Variants in WWP1 observed in about 807,000 individuals in gnomAD.
WWP1 encodes the protein NEDD4-like E3 ubiquitin-protein ligase WWP1.
Under a neutral mutation model 130.6 loss-of-function variants are expected in WWP1, and 49 were observed. That is an observed-to-expected ratio of 0.38 (90% CI 0.30 to 0.48). The LOEUF (loss-of-function observed/expected upper bound fraction) is 0.48, where lower values mean the gene tolerates loss of function less well. Among genes scored for constraint, WWP1 ranks in the 20% least tolerant of loss-of-function variants. WWP1 has a pLI of 0.99. For missense variants in WWP1, 809 were observed against 1,100.6 expected, an observed-to-expected ratio of 0.74 and a Z score of 3.75; for synonymous variants, 332 against 367.8, an observed-to-expected ratio of 0.90 and a Z score of 1.11.
chr8:86,373,258 AT>A (rs1391243651), intron 2 of WWP1, among the ~76,000 whole-genome samples: 1 of 151,492 alleles, frequency 6.6e-6, no homozygotes, highest in Non-Finnish European at 1.5e-5. Context: ...ATTTCAGTGT[AT>A]TTTTTTTGTT....
rs937535104 is a variant in WWP1, at chr8:86,357,091, TA to T, written c.-114-11847del. On this transcript the variant is annotated intron_variant, in intron 1 of 24. Coordinates refer to ENST00000517970, the MANE Select transcript of WWP1 (RefSeq NM_007013.4). ...ATCATTCTGAGGTTGGTATAATAAT[TA>T]TGGATGGTTTCTGTGTATTTCATAT... 4.5e-5 allele frequency among the ~76,000 whole-genome samples: 5 copies of T among 111,534 alleles called. No individual in the cohort carries two copies. In the South Asian group the frequency reaches 1.1e-3, roughly 25 times the overall value. 73.2% of individuals were successfully genotyped at this position (111,534 alleles called of 152,430 possible).
intron 9 of WWP1, among the ~76,000 whole-genome samples, chr8:86,414,288 A>T (rs1258446300): frequency 1.3e-5 from 2 of 151,926 alleles, no homozygotes; most frequent in Non-Finnish European, 2.9e-5. Context: ...ATAAATAGCA[A>T]TCTGGTATAC....
At chr8:86,435,349 C>G (rs1354818060) in intron 14 of WWP1, 103 bp from the exon 15 acceptor site, 3 of 1,199,270 alleles carry the variant, frequency 2.5e-6, no homozygotes, top group African/African-American at 3.1e-5. Context: ...CAGAAATCTT[C>G]CTGTGGTATT....
At chr8:86,440,696 C>G in intron 17 of WWP1, 1 of 454,418 alleles carries the variant, frequency 2.2e-6, no homozygotes, top group Non-Finnish European at 4.4e-6. Context: ...TTTTTCTGTT[C>G]CATTTGTTCC....
intron 8 of WWP1, among the ~76,000 whole-genome samples, 165 bp from the exon 9 acceptor site, chr8:86,411,368 CATTTT>C (rs1473247144): frequency 5.3e-5 from 8 of 152,158 alleles, no homozygotes; most frequent in African/African-American, 1.7e-4. Context: ...ATAAAATCTC[CATTTT>C]ATTTTATGTT....
intron 1 of WWP1, among the ~76,000 whole-genome samples, chr8:86,345,299 G>A (rs1330758712): frequency 6.6e-6 from 1 of 152,176 alleles, no homozygotes; most frequent in African/African-American, 2.4e-5. Context: ...TTGGTAAAAT[G>A]CTGGCCTGGA....
At chr8:86,442,589 A>T in intron 17 of WWP1, 30 bp from the exon 18 acceptor site, 1 of 1,558,712 alleles carries the variant, frequency 6.4e-7, no homozygotes. Flanking sequence ...TATTAATGCT[A>T]AAAAATAACC....
intron 14 of WWP1, among the ~76,000 whole-genome samples, chr8:86,433,112 C>T (rs926864390): frequency 6.6e-6 from 1 of 152,074 alleles, no homozygotes; most frequent in Non-Finnish European, 1.5e-5. Flanking sequence ...ACATTTGACA[C>T]AATACATTTC....
At chr8:86,453,150 A>T (rs548472811) in intron 21 of WWP1, among the ~76,000 whole-genome samples, 1 of 152,158 alleles carries the variant, frequency 6.6e-6, no homozygotes, top group Non-Finnish European at 1.5e-5. Context: ...ATCTCCAGAA[A>T]TTTTTCATCC....
At chr8:86,433,683 C>T (rs1048022778) in intron 14 of WWP1, among the ~76,000 whole-genome samples, 4 of 152,194 alleles carry the variant, frequency 2.6e-5, no homozygotes, top group Non-Finnish European at 4.4e-5. Context: ...GTGGCTCACG[C>T]CTATAATCCC....
rs146428704 is a variant in WWP1 at position 86,450,217 on chromosome 8, G to T, written c.2273+1704G>T. On this transcript the variant is annotated intron_variant, in intron 20 of 24. Coordinates refer to ENST00000517970, the MANE Select transcript of WWP1 (RefSeq NM_007013.4). ...TACCCTTCTTAGCTTGGCATTCTTGGCCTCTTCTTATTTTTCTGCTAAACC... is the reference window on the plus strand; with the variant it reads ...TACCCTTCTTAGCTTGGCATTCTTGTCCTCTTCTTATTTTTCTGCTAAACC... Among the ~76,000 whole-genome samples, 576 of 151,992 alleles carry T rather than the reference G, an allele frequency of 3.8e-3. 3 individuals are homozygous for T. The highest frequency in any genetic ancestry group is 0.024 in the Middle Eastern group (7 of 292).
At chr8:86,401,011 G>GTT (rs79904046) in intron 7 of WWP1, among the ~76,000 whole-genome samples, 5 of 137,020 alleles carry the variant, frequency 3.6e-5, no homozygotes, top group Admixed American at 1.5e-4. Flanking sequence ...AACTTTTTTT[G>GTT]TTTTTTTTTT....
intron 5 of WWP1, among the ~76,000 whole-genome samples, chr8:86,387,668 A>G (rs1825365836): frequency 6.6e-6 from 1 of 151,880 alleles, no homozygotes; most frequent in South Asian, 2.1e-4. Flanking sequence ...GTGTGCTACC[A>G]TGCACCACCA....
chr8:86,451,891 C>T (rs989214966), intron 20 of WWP1, among the ~76,000 whole-genome samples: 3 of 152,180 alleles, frequency 2.0e-5, no homozygotes, highest in African/African-American at 7.2e-5. Context: ...CCTGCTCTTA[C>T]AGCTGCTTTA....
intron 20 of WWP1, among the ~76,000 whole-genome samples, chr8:86,449,787 T>C (rs1811075487): frequency 6.6e-6 from 1 of 152,216 alleles, no homozygotes; most frequent in Non-Finnish European, 1.5e-5. Flanking sequence ...ATATTTGTTT[T>C]GAAAATGGGA....
rs140784962 is a variant in WWP1, at chr8:86,402,142, T to C, written c.663T>C (p.Ala221=). 5.1e-4 allele frequency: 824 copies of C among 1,614,200 alleles called. No homozygotes were observed. The African/African-American group carries it at 9.4e-3, about 19-fold the overall frequency. The change falls in exon 8 of 25, where the codon GCT becomes GCC. Residue 221 remains alanine, a synonymous_variant. Coordinates refer to ENST00000517970, the MANE Select transcript of WWP1 (RefSeq NM_007013.4). ...CACCTTCATCTCCGTCTCAGGTTGCTGCCAGACCCAAAAATACACCAGCTC... is the reference window on the plus strand; with the variant it reads ...CACCTTCATCTCCGTCTCAGGTTGCCGCCAGACCCAAAAATACACCAGCTC... ...DNTPSSPSQV[A]ARPKNTPAPK...
chr8:86,415,622 T>G (rs1298688360), intron 9 of WWP1, among the ~76,000 whole-genome samples: 2 of 152,208 alleles, frequency 1.3e-5, no homozygotes, highest in Non-Finnish European at 2.9e-5. Flanking sequence ...GTAACTCAAA[T>G]CTTTATCGAG....
chr8:86,465,183 A>G (rs1163106496), intron 24 of WWP1, among the ~76,000 whole-genome samples: 2 of 152,208 alleles, frequency 1.3e-5, no homozygotes, highest in Non-Finnish European at 2.9e-5. Context: ...CTTGGATTAG[A>G]GCATGAAACA....
At chr8:86,389,743 G>A (rs773276850) in intron 5 of WWP1, among the ~76,000 whole-genome samples, 2 of 151,406 alleles carry the variant, frequency 1.3e-5, no homozygotes, top group Non-Finnish European at 1.5e-5. Flanking sequence ...GGGCAGAGGC[G>A]CCCCCCCACC....
Sources: gnomAD v4.1 joint callset for allele counts (sites outside exome capture counted in the v4.1 genomes callset) on GRCh38, gnomAD v4.1.1 for gene constraint, MANE v1.5 for transcripts, NCBI Gene and HGNC (gene_info 2026-07-23, HGNC 2026-07-21) for gene names.